KIF26A: variants seen among roughly 807,000 people sequenced by gnomAD.
The protein encoded by KIF26A is kinesin-like protein KIF26A.
KIF26A carries 74 observed loss-of-function variants against 126.0 expected under a neutral mutation model. The ratio of observed to expected loss-of-function variants is 0.59; its 90% CI spans 0.49 to 0.71. The LOEUF (loss-of-function observed/expected upper bound fraction) is 0.71, where lower values mean the gene tolerates loss of function less well. Among genes scored for constraint, KIF26A ranks in the 30% least tolerant of loss-of-function variants. The probability of loss-of-function intolerance (pLI) is 0.00; values close to 1 mark genes in which losing one functional copy is unlikely to be tolerated. For missense variants in KIF26A, 2,984 were observed against 2,763.3 expected (o/e 1.08, Z -1.79); for synonymous variants, 1,445 against 1,232.7 (o/e 1.17, Z -3.61).
At chr14:104,149,707 C>T (rs960474425) in intron 2 of KIF26A, among the ~76,000 whole-genome samples, 1 of 152,218 alleles carries the variant, frequency 6.6e-6, no homozygotes, top group Non-Finnish European at 1.5e-5. Context: ...CAGGTCGATC[C>T]GGGCTTCCTC....
intron 12 of KIF26A, 34 bp from the exon 13 acceptor site, chr14:104,178,516 C>G (rs1230454054): frequency 9.9e-6 from 14 of 1,412,526 alleles, no homozygotes; most frequent in Non-Finnish European, 1.3e-5. Flanking sequence ...TGGGCCCCGC[C>G]TCTGTTCACC....
rs193166382 is a variant in KIF26A at position 104,147,326 on chromosome 14, G to A, written c.289-4689G>A. On this transcript the variant is annotated intron_variant, in intron 2 of 14. Transcript: ENST00000423312. ...AATGAGCTTGTCTGTGCCCCGAGCT[G>A]CCCAGCTGGACTGGCGCCTGGCACA... 3.1e-3 allele frequency among the ~76,000 whole-genome samples: 467 copies of A among 152,368 alleles called. 4 individuals carry two copies. Among genetic ancestry groups the A allele is most frequent in the African/African-American group, 0.011 (441 of 41,594 alleles).
chr14:104,167,147 C>T, intron 5 of KIF26A, 99 bp downstream of exon 5: 2 of 1,282,920 alleles, frequency 1.6e-6, no homozygotes, highest in Non-Finnish European at 2.1e-6. Context: ...CCACTTCCTT[C>T]TCTGGGTTGG....
At chr14:104,179,191 G>A in intron 13 of KIF26A, 45 bp from the exon 14 acceptor site, 2 of 1,421,164 alleles carry the variant, frequency 1.4e-6, no homozygotes, top group Non-Finnish European at 1.8e-6. Flanking sequence ...GGGGTCTCTG[G>A]GGAGAGGGTC....
intron 4 of KIF26A, among the ~76,000 whole-genome samples, chr14:104,166,648 G>A (rs1322606118): frequency 6.6e-6 from 1 of 151,606 alleles, no homozygotes; most frequent in African/African-American, 2.4e-5. Context: ...ATGCTGGGCA[G>A]AGTCCCTGGG....
chr14:104,167,100 GAGA>G (rs2037913843), intron 5 of KIF26A, 52 bp downstream of exon 5: 2 of 1,440,752 alleles, frequency 1.4e-6, no homozygotes, highest in Admixed American at 5.3e-5. Context: ...AGAGGCGTCT[GAGA>G]AGACGCAGGA....
At chr14:104,165,584 T>A (rs376085240) in intron 4 of KIF26A, among the ~76,000 whole-genome samples, 23 of 132,786 alleles carry the variant, frequency 1.7e-4, no homozygotes, top group African/African-American at 5.7e-4. Flanking sequence ...CATGTGTGTG[T>A]CTGTGTGTCT....
chr14:104,178,372 G>T (rs2038059471), intron 12 of KIF26A, among the ~76,000 whole-genome samples, 178 bp from the exon 13 acceptor site: 1 of 152,308 alleles, frequency 6.6e-6, no homozygotes, highest in Non-Finnish European at 1.5e-5. Flanking sequence ...AGAGCTGTGG[G>T]CCTGGCTTGG....
In KIF26A at chr14:104,173,374, G is replaced by A. The variant is rs753304636; in HGVS notation, c.1728G>A (p.Ala576=). The change falls in exon 9 of 15, where the codon GCG becomes GCA. Residue 576 remains alanine, a synonymous_variant. Coordinates refer to ENST00000423312, the MANE Select transcript of KIF26A (RefSeq NM_015656.2). ...TGCGGGCACCCACGGCCGAGAAGGC[G>A]GCTTTCTACCTGGATGCGGCCCTGG... ...SELRAPTAEK[A]AFYLDAALAA... The A allele has an allele frequency of 1.3e-5, 21 of 1,594,792 alleles. No individual in the cohort carries two copies. The Admixed American group carries it at 1.6e-4, about 12-fold the overall frequency.
chr14:104,150,211 C>T (rs1185773261), intron 2 of KIF26A, among the ~76,000 whole-genome samples: 3 of 132,098 alleles, frequency 2.3e-5, no homozygotes, highest in Non-Finnish European at 1.7e-5. Flanking sequence ...CCACCCCCTC[C>T]TCCTCCTCCT....
At chr14:104,162,038 G>A (rs570669979) in intron 4 of KIF26A, among the ~76,000 whole-genome samples, 5 of 152,356 alleles carry the variant, frequency 3.3e-5, no homozygotes, top group African/African-American at 9.6e-5. Flanking sequence ...GAACCCAAGC[G>A]TGGTAGCCAG....
At chr14:104,150,264 T>G (rs2037716857) in intron 2 of KIF26A, among the ~76,000 whole-genome samples, 1 of 141,710 alleles carries the variant, frequency 7.1e-6, no homozygotes, top group South Asian at 2.4e-4. Context: ...GTGGCTGACC[T>G]CAGCGAATCT....
At chr14:104,146,888 G>A (rs1853270971) in intron 2 of KIF26A, among the ~76,000 whole-genome samples, 2 of 152,160 alleles carry the variant, frequency 1.3e-5, no homozygotes, top group South Asian at 4.1e-4. Flanking sequence ...TTGGAGTGGA[G>A]CTGTGCTCCA....
intron 4 of KIF26A, among the ~76,000 whole-genome samples, chr14:104,158,625 C>T (rs10150376): frequency 0.67 from 101,315 of 152,124 alleles, 34,216 homozygotes; most frequent in East Asian, 0.82. Flanking sequence ...TGCTCTCCCC[C>T]CTGCTGATCC....
chr14:104,172,451 A>G (rs118050369), intron 6 of KIF26A, 124 bp from the exon 7 acceptor site: 32,115 of 644,294 alleles, frequency 0.05, 972 homozygotes, highest in Non-Finnish European at 0.063. Flanking sequence ...CCTTGGTCCC[A>G]GGTGTGCAGC....
Position 104,152,457 on chromosome 14 carries a change from G to A in KIF26A, c.731G>A (p.Cys244Tyr), listed in dbSNP as rs1160467510. ...SRVNSFLPPA[C>Y]LAEAAVAAVA... Reference sequence around the variant, plus strand: ...GTCAACAGCTTCCTCCCGCCGGCGTGCCTGGTGAGTGTCTTGCTCAGCGGA... The same window carrying A: ...GTCAACAGCTTCCTCCCGCCGGCGTACCTGGTGAGTGTCTTGCTCAGCGGA... The change falls in exon 3 of 15, where the codon TGC (cysteine) becomes TAC (tyrosine). Residue 244 changes from cysteine (C) to tyrosine (Y), a missense_variant. Transcript: ENST00000423312. The surrounding 1 kb of genome is among the most constrained non-coding windows in gnomAD (Gnocchi z 5.9). 1 of 1,567,968 alleles carries A rather than the reference G, an allele frequency of 6.4e-7. No individual in the cohort carries two copies. Among genetic ancestry groups the A allele is most frequent in the Non-Finnish European group, 8.6e-7 (1 of 1,158,460 alleles).
intron 7 of KIF26A, 117 bp downstream of exon 7, chr14:104,172,785 G>A: frequency 9.3e-7 from 1 of 1,075,672 alleles, no homozygotes; most frequent in South Asian, 1.5e-5. Context: ...CATGGGCCGT[G>A]GTGGGCATAT....
In KIF26A at chr14:104,173,373, C is replaced by T. The variant is rs539160620; in HGVS notation, c.1727C>T (p.Ala576Val). The change falls in exon 9 of 15, where the codon GCG becomes GTG. Residue 576 changes from alanine (A) to valine (V), a missense_variant. Ala to Val is a moderately conservative substitution (Grantham distance 64). Transcript: ENST00000423312. ...CTGCGGGCACCCACGGCCGAGAAGG[C>T]GGCTTTCTACCTGGATGCGGCCCTG... Reference protein sequence around the residue: ...SELRAPTAEKAAFYLDAALAA... With the variant: ...SELRAPTAEKVAFYLDAALAA... The T allele has an allele frequency of 5.6e-6, 9 of 1,594,654 alleles. No homozygotes were observed. Among genetic ancestry groups the T allele is most frequent in the African/African-American group, 2.7e-5 (2 of 74,622 alleles).
At chr14:104,147,140 C>T (rs897784316) in intron 2 of KIF26A, among the ~76,000 whole-genome samples, 4 of 152,172 alleles carry the variant, frequency 2.6e-5, no homozygotes, top group African/African-American at 7.2e-5. Context: ...GTGCACTGAG[C>T]ATGCCTCTGA....
Sources: allele counts gnomAD v4.1 joint callset (sites outside exome capture counted in the v4.1 genomes callset), GRCh38; gene constraint gnomAD v4.1.1; non-coding constraint Gnocchi (gnomAD v3.1); transcripts MANE v1.5; gene names NCBI Gene and HGNC (gene_info 2026-07-23, HGNC 2026-07-21).